Variants in ARHGAP10 observed in about 807,000 individuals in gnomAD.
ARHGAP10 encodes Rho GTPase activating protein 10.
ARHGAP10 carries 87 observed loss-of-function variants against 108.6 expected under a neutral mutation model. The observed-to-expected ratio is 0.80, with a 90% confidence interval of 0.67 to 0.96. ARHGAP10 has a LOEUF of 0.96. ARHGAP10 is among the 40% of genes least tolerant of loss of function. The probability of loss-of-function intolerance (pLI) is 0.00; values close to 1 mark genes in which losing one functional copy is unlikely to be tolerated. For missense variants in ARHGAP10, 939 were observed against 954.5 expected (o/e 0.98, Z 0.21); for synonymous variants, 347 against 341.1 (o/e 1.02, Z -0.19).
intron 20 of ARHGAP10, among the ~76,000 whole-genome samples, chr4:148,050,228 G>A (rs2149682400): frequency 6.6e-6 from 1 of 152,118 alleles, no homozygotes; most frequent in South Asian, 2.1e-4. Context: ...TGATATTGAT[G>A]TAATTATTAG....
intron 19 of ARHGAP10, among the ~76,000 whole-genome samples, chr4:148,026,460 T>A (rs1382872011): frequency 6.6e-6 from 1 of 152,144 alleles, no homozygotes; most frequent in Non-Finnish European, 1.5e-5. Context: ...ATAAACCGAG[T>A]GTCTTTACTT....
At chr4:147,799,732 T>A (rs185786504) in intron 1 of ARHGAP10, among the ~76,000 whole-genome samples, 1 of 152,262 alleles carries the variant, frequency 6.6e-6, no homozygotes, top group East Asian at 1.9e-4. Context: ...TAATTGATTA[T>A]TGAAGCACTT....
rs549045399 is a variant in ARHGAP10 at position 147,900,004 on chromosome 4, A to G, written c.1035-6634A>G. 1.1e-4 allele frequency among the ~76,000 whole-genome samples: 17 copies of G among 152,188 alleles called. 1 individual carries two copies. Among genetic ancestry groups the G allele is most frequent in the African/African-American group, 4.1e-4 (17 of 41,536 alleles). On this transcript the variant is annotated intron_variant, in intron 10 of 22. Coordinates refer to ENST00000336498, the MANE Select transcript of ARHGAP10 (RefSeq NM_024605.4). ...CTTAAGAGCTACTCTGTTTACAATA[A>G]TGTCTCCTTAGACTTGTGAATGTTT...
chr4:147,835,488 T>A (rs1394142656), intron 3 of ARHGAP10, among the ~76,000 whole-genome samples: 1 of 152,212 alleles, frequency 6.6e-6, no homozygotes, highest in Non-Finnish European at 1.5e-5. Flanking sequence ...TTTTCCTGCC[T>A]CAGTCTCCCT....
intron 19 of ARHGAP10, among the ~76,000 whole-genome samples, chr4:148,042,138 T>C (rs1296834268): frequency 6.6e-6 from 1 of 152,094 alleles, no homozygotes; most frequent in Non-Finnish European, 1.5e-5. Flanking sequence ...CCCAGTATGC[T>C]CCTTGTTTTT....
intron 1 of ARHGAP10, among the ~76,000 whole-genome samples, chr4:147,814,493 C>T (rs10519917): frequency 0.12 from 18,843 of 152,012 alleles, 1,598 homozygotes; most frequent in African/African-American, 0.24. Context: ...ACAGCTAAAT[C>T]CCTACTAATA....
At chr4:147,788,440 CCTT>C (rs1237986503) in intron 1 of ARHGAP10, among the ~76,000 whole-genome samples, 1 of 151,962 alleles carries the variant, frequency 6.6e-6, no homozygotes, top group African/African-American at 2.4e-5. Context: ...GAGCAAGACT[CCTT>C]CTCAAAAAGA....
chr4:147,764,442 C>T lies in ARHGAP10; in HGVS notation c.154+31987C>T, dbSNP rs187213914. ...TGTGGGAGGTGACTTTGAAGTGTGG[C>T]TGATCTCCCATCGGCTCCCATGCAG... On this transcript the variant is annotated intron_variant, in intron 1 of 22. Coordinates refer to ENST00000336498, the MANE Select transcript of ARHGAP10 (RefSeq NM_024605.4). 4.2e-4 allele frequency among the ~76,000 whole-genome samples: 64 copies of T among 151,814 alleles called. 1 individual carries two copies. The highest frequency in any genetic ancestry group is 3.4e-3 in the Middle Eastern group (1 of 294).
At chr4:147,862,185 G>C (rs1734347285) in intron 5 of ARHGAP10, 1 of 152,694 alleles carries the variant, frequency 6.5e-6, no homozygotes, top group Non-Finnish European at 1.5e-5. Context: ...GGGGTTACCA[G>C]GGGCGCTGGC....
chr4:147,926,356 G>C (rs1467154578), intron 13 of ARHGAP10, among the ~76,000 whole-genome samples: 2 of 152,164 alleles, frequency 1.3e-5, no homozygotes, highest in Non-Finnish European at 2.9e-5. Context: ...GCAGTGGAAA[G>C]AAGGGATGGA....
At chr4:147,980,681 G>A (rs140790669) in intron 18 of ARHGAP10, among the ~76,000 whole-genome samples, 277 of 152,186 alleles carry the variant, frequency 1.8e-3, no homozygotes, top group African/African-American at 6.0e-3. Context: ...TTCTTGGTTG[G>A]TAGGTTTTTT....
chr4:147,798,046 A>G (rs1009061894), intron 1 of ARHGAP10, among the ~76,000 whole-genome samples: 2 of 152,114 alleles, frequency 1.3e-5, no homozygotes, highest in African/African-American at 4.8e-5. Context: ...TCCCCTGTTC[A>G]GGTGTTTCTT....
intron 15 of ARHGAP10, among the ~76,000 whole-genome samples, chr4:147,948,388 A>G (rs1031804488): frequency 2.0e-5 from 3 of 152,126 alleles, no homozygotes; most frequent in African/African-American, 7.2e-5. Context: ...ATTTTTACCA[A>G]CTGTCTTCAA....
At chr4:148,071,885 T>G in intron 22 of ARHGAP10, 108 bp from the exon 23 acceptor site, 1 of 825,528 alleles carries the variant, frequency 1.2e-6, no homozygotes, top group Non-Finnish European at 1.9e-6. Context: ...ATCCCAGAAG[T>G]GGCCCCTGTT....
intron 18 of ARHGAP10, among the ~76,000 whole-genome samples, chr4:148,013,236 A>G (rs2149655893): frequency 6.6e-6 from 1 of 152,354 alleles, no homozygotes; most frequent in East Asian, 1.9e-4. Context: ...GAAAAAAGAA[A>G]GTATTGGATT....
At chr4:147,882,847 A>G (rs1171877045) in intron 10 of ARHGAP10, among the ~76,000 whole-genome samples, 1 of 152,200 alleles carries the variant, frequency 6.6e-6, no homozygotes, top group Non-Finnish European at 1.5e-5. Context: ...GGAAAATCCT[A>G]GTGTTCATAG....
chr4:147,736,474 T>G (rs901996411), intron 1 of ARHGAP10, among the ~76,000 whole-genome samples: 1 of 152,186 alleles, frequency 6.6e-6, no homozygotes, highest in Non-Finnish European at 1.5e-5. Flanking sequence ...TGAGCCTTGG[T>G]TTCCTTTTTT....
At chr4:147,780,764 CAAGTAGT>C (rs1730497648) in intron 1 of ARHGAP10, among the ~76,000 whole-genome samples, 1 of 152,164 alleles carries the variant, frequency 6.6e-6, no homozygotes, top group South Asian at 2.1e-4. Flanking sequence ...ACAGAAAAGG[CAAGTAGT>C]AACAGAACTT....
chr4:147,792,310 G>A (rs930994014), intron 1 of ARHGAP10, among the ~76,000 whole-genome samples: 1 of 152,150 alleles, frequency 6.6e-6, no homozygotes, highest in African/African-American at 2.4e-5. Flanking sequence ...ATCTTTTCAC[G>A]TATTTATTGG....
Sources: gnomAD v4.1 joint callset for allele counts (sites outside exome capture counted in the v4.1 genomes callset) on GRCh38, gnomAD v4.1.1 for gene constraint, MANE v1.5 for transcripts, NCBI Gene and HGNC (gene_info 2026-07-23, HGNC 2026-07-21) for gene names.